The following CPS1 variants were observed in gnomAD, a reference collection of about 807,000 sequenced individuals.
The protein encoded by CPS1 is carbamoyl-phosphate synthase 1.
In CPS1, 109 loss-of-function variants were observed where a neutral mutation model predicts 174.6. That is an observed-to-expected ratio of 0.62 (90% CI 0.53 to 0.73). The LOEUF is 0.73. Ranked by LOEUF, CPS1 falls within the 30% of genes least tolerant of loss-of-function variation. The probability of loss-of-function intolerance (pLI) is 0.00; values close to 1 mark genes in which losing one functional copy is unlikely to be tolerated. For synonymous variants in CPS1, 637 were observed against 632.0 expected, an observed-to-expected ratio of 1.01 and a Z score of -0.12; for missense variants, 1,689 against 1,821.9, an observed-to-expected ratio of 0.93 and a Z score of 1.33.
chr2:210,501,758 C>T (rs1318776776), intron 1 of CPS1, among the ~76,000 whole-genome samples: 1 of 152,162 alleles, frequency 6.6e-6, no homozygotes, highest in Non-Finnish European at 1.5e-5. Flanking sequence ...AACTTTCTCA[C>T]ATCTTCCTGT....
intron 1 of CPS1, 98 bp downstream of exon 1, chr2:210,556,957 T>C (rs1696932845): frequency 1.5e-6 from 2 of 1,376,612 alleles, no homozygotes; most frequent in African/African-American, 2.9e-5. Context: ...GTTTTGAATG[T>C]AGCTCTGAAG....
chr2:210,553,227 T>C (rs1486483676), upstream of CPS1, among the ~76,000 whole-genome samples: 1 of 151,782 alleles, frequency 6.6e-6, no homozygotes, highest in African/African-American at 2.4e-5. Flanking sequence ...TTCTGAGCAT[T>C]GACATAAATG....
At chr2:210,534,204 G>A (rs550595215) in intron 1 of CPS1, among the ~76,000 whole-genome samples, 2 of 152,324 alleles carry the variant, frequency 1.3e-5, no homozygotes, top group Admixed American at 6.5e-5. Context: ...CTGCTCGCGA[G>A]GGGCTACTCA....
chr2:210,522,364 G>A (rs1695849991), intron 1 of CPS1, among the ~76,000 whole-genome samples: 1 of 151,984 alleles, frequency 6.6e-6, no homozygotes, highest in African/African-American at 2.4e-5. Flanking sequence ...AAGCTTTGGT[G>A]TAGTTAAGTG....
At chr2:210,641,086 A>G (rs1381314900) in intron 24 of CPS1, among the ~76,000 whole-genome samples, 1 of 152,090 alleles carries the variant, frequency 6.6e-6, no homozygotes, top group Non-Finnish European at 1.5e-5. Flanking sequence ...AGAAGGCACA[A>G]CAGCACAAAG....
chr2:210,551,898 A>C (rs1427578617), upstream of CPS1, among the ~76,000 whole-genome samples: 1 of 152,050 alleles, frequency 6.6e-6, no homozygotes, highest in African/African-American at 2.4e-5. Flanking sequence ...GTTTTCAAAC[A>C]ACTTTAAGTC....
chr2:210,593,040 C>G lies in CPS1; in HGVS notation c.1164+84C>G, dbSNP rs1004048503. ...ATTCGAGAAACCAAAATAATCACCC[C>G]AGATGATCTTGAGCAGAACATTCTC... On this transcript the variant is annotated intron_variant, in intron 11 of 37. Coordinates refer to ENST00000233072, the MANE Select transcript of CPS1 (RefSeq NM_001875.5). 7.7e-6 allele frequency: 9 copies of G among 1,168,804 alleles called. No homozygotes were observed. The Admixed American group carries it at 1.5e-4, about 20-fold the overall frequency. The allele number at this position is 1,168,804 out of a possible 1,614,324, so 72.4% of individuals were successfully genotyped here. A position where few individuals can be genotyped will look rare whatever the true frequency, so the allele number is the denominator to read the frequency against.
rs1574540092 is a variant in CPS1 at position 210,573,318 on chromosome 2, C to T, written c.147C>T (p.Val49=). ...LSVKAQTAHI[V]LEDGTKMKGY... ...TTCAGGCACAGACAGCACACATTGT[C>T]CTGGAAGATGGAACTAAGATGAAAG... is the stretch of plus-strand genomic sequence containing the variant. The change falls in exon 2 of 38, where the codon GTC becomes GTT. Residue 49 remains valine, a synonymous_variant. Transcript: ENST00000233072. 1 of 1,613,036 alleles carries T rather than the reference C, an allele frequency of 6.2e-7. No homozygotes were observed. Among genetic ancestry groups the T allele is most frequent in the Non-Finnish European group, 8.5e-7 (1 of 1,179,132 alleles).
intron 1 of CPS1, among the ~76,000 whole-genome samples, chr2:210,558,140 G>T (rs1696978566): frequency 1.3e-5 from 2 of 151,994 alleles, no homozygotes; most frequent in African/African-American, 4.8e-5. Flanking sequence ...TTAACATTGA[G>T]AAGATTCTAA....
chr2:210,508,915 G>C (rs1695368290), intron 1 of CPS1, among the ~76,000 whole-genome samples: 1 of 152,236 alleles, frequency 6.6e-6, no homozygotes, highest in African/African-American at 2.4e-5. Context: ...AAAAGTCCGG[G>C]ACCAGACAGA....
At chr2:210,610,089 C>G (rs181226857) in intron 19 of CPS1, among the ~76,000 whole-genome samples, 1 of 151,956 alleles carries the variant, frequency 6.6e-6, no homozygotes, top group East Asian at 1.9e-4. Flanking sequence ...TCAAATCATA[C>G]TTTTTAGTGT....
intron 1 of CPS1, among the ~76,000 whole-genome samples, chr2:210,491,343 C>T (rs1292720330): frequency 8.1e-5 from 5 of 61,886 alleles, no homozygotes; most frequent in Admixed American, 2.6e-4. Flanking sequence ...TTTTTTGAGA[C>T]GGAGTCTTGT....
chr2:210,489,262 G>A (rs1416996215), intron 1 of CPS1, among the ~76,000 whole-genome samples: 1 of 152,142 alleles, frequency 6.6e-6, no homozygotes, highest in East Asian at 1.9e-4. Flanking sequence ...ATCTCCTAAT[G>A]GATACTCTTT....
chr2:210,553,306 A>G (rs957935192), upstream of CPS1, among the ~76,000 whole-genome samples: 27 of 151,926 alleles, frequency 1.8e-4, no homozygotes, highest in African/African-American at 5.8e-4. Context: ...ATTATTCTGT[A>G]TTTCCACATT....
At chr2:210,511,440 A>C (rs910591275) in intron 1 of CPS1, among the ~76,000 whole-genome samples, 3 of 152,074 alleles carry the variant, frequency 2.0e-5, no homozygotes, top group African/African-American at 7.2e-5. Context: ...CTAAATGACG[A>C]GTTAATGGGT....
At chr2:210,663,017 A>T in intron 32 of CPS1, 106 bp from the exon 33 acceptor site, 1 of 1,102,816 alleles carries the variant, frequency 9.1e-7, no homozygotes, top group South Asian at 1.3e-5. Flanking sequence ...ACTGTAGCCT[A>T]AGTGAACTCT....
At chr2:210,586,240 GAAGT>G (rs1698103119) in intron 6 of CPS1, among the ~76,000 whole-genome samples, 1 of 152,008 alleles carries the variant, frequency 6.6e-6, no homozygotes, top group Non-Finnish European at 1.5e-5. Flanking sequence ...TGAAGCCTAA[GAAGT>G]ATGTGTTGTT....
Position 210,582,490 on chromosome 2 carries a change from T to C in CPS1, c.529-127T>C, listed in dbSNP as rs1029482217. 1.1e-5 allele frequency: 8 copies of C among 741,408 alleles called. No homozygotes were observed. The South Asian group carries it at 1.2e-4, about 11-fold the overall frequency. 45.9% of individuals were successfully genotyped at this position (741,408 alleles called of 1,614,324 possible). A position where few individuals can be genotyped will look rare whatever the true frequency, so the allele number is the denominator to read the frequency against. Reference sequence around the variant, plus strand: ...AGTTTGAGAAGATGAAGATCTTCCATGATGGTTACGAGTAGTTATAAAGAC... The same window carrying C: ...AGTTTGAGAAGATGAAGATCTTCCACGATGGTTACGAGTAGTTATAAAGAC... On this transcript the variant is annotated intron_variant, in intron 5 of 37. Transcript: ENST00000233072.
At chr2:210,623,421 A>C (rs1379892956) in intron 21 of CPS1, among the ~76,000 whole-genome samples, 4 of 151,238 alleles carry the variant, frequency 2.6e-5, no homozygotes, top group Admixed American at 6.6e-5. Context: ...TGTAGGTTTC[A>C]TGTGGTTTTT....
Sources: allele counts gnomAD v4.1 joint callset (sites outside exome capture counted in the v4.1 genomes callset), GRCh38; gene constraint gnomAD v4.1.1; transcripts MANE v1.5; gene names NCBI Gene and HGNC (gene_info 2026-07-23, HGNC 2026-07-21).